The following SVEP1 variants were observed in gnomAD, a reference collection of about 807,000 sequenced individuals.
SVEP1 encodes sushi, von Willebrand factor type A, EGF and pentraxin domain-containing protein 1.
A neutral mutation model predicts 367.3 loss-of-function variants in SVEP1; 164 were observed. The observed-to-expected ratio is 0.45, with a 90% CI of 0.39 to 0.51. The LOEUF (loss-of-function observed/expected upper bound fraction) is 0.51, where lower values mean the gene tolerates loss of function less well. SVEP1 is among the 20% of genes least tolerant of loss of function. The pLI is 0.00. For missense variants in SVEP1, 4,117 were observed against 4,425.3 expected (o/e 0.93, Z 1.98); for synonymous variants, 1,666 against 1,611.6 (o/e 1.03, Z -0.81).
At chr9:110,507,637 T>C (rs1022150466) in intron 5 of SVEP1, among the ~76,000 whole-genome samples, 7 of 152,204 alleles carry the variant, frequency 4.6e-5, no homozygotes, top group African/African-American at 1.7e-4. Context: ...GTGTTTTAAT[T>C]TTTCCTGAAT....
chr9:110,367,763 G>C (rs767497319), intron 47 of SVEP1, among the ~76,000 whole-genome samples: 1 of 152,078 alleles, frequency 6.6e-6, no homozygotes, highest in African/African-American at 2.4e-5. Flanking sequence ...ATACTGTATG[G>C]TGACATGTAA....
intron 41 of SVEP1, among the ~76,000 whole-genome samples, chr9:110,389,170 A>G (rs1190323114): frequency 6.6e-6 from 1 of 152,164 alleles, no homozygotes; most frequent in Non-Finnish European, 1.5e-5. Flanking sequence ...AGTATTGGCT[A>G]GTACTGTCAC....
At chr9:110,508,102 TA>T (rs1282018355) in intron 5 of SVEP1, among the ~76,000 whole-genome samples, 2 of 152,256 alleles carry the variant, frequency 1.3e-5, no homozygotes, top group Non-Finnish European at 2.9e-5. Flanking sequence ...TTTCAACTTA[TA>T]TTTTTTTCAT....
chr9:110,416,900 T>G (rs1828129152), intron 36 of SVEP1, among the ~76,000 whole-genome samples: 1 of 152,042 alleles, frequency 6.6e-6, no homozygotes, highest in South Asian at 2.1e-4. Flanking sequence ...TTTTCCTAGA[T>G]TCTAACTATT....
chr9:110,471,529 T>C lies in SVEP1; in HGVS notation c.2833A>G (p.Thr945Ala). The C allele has an allele frequency of 6.2e-7, 1 of 1,614,014 alleles. No individual in the cohort carries two copies. The highest frequency in any genetic ancestry group is 8.5e-7 in the Non-Finnish European group (1 of 1,179,884). The change falls in exon 16 of 48, where the codon ACA (threonine) becomes GCA (alanine). Residue 945 changes from threonine to alanine, a missense_variant. Physicochemically the swap from Thr to Ala is moderately conservative, Grantham distance 58. Around this residue, in one of 4 missense-constraint regions of SVEP1, gnomAD observed 2,174 missense variants for 2,494.3 expected, o/e 0.87. Coordinates refer to ENST00000374469, the MANE Select transcript of SVEP1 (RefSeq NM_153366.4). ...AGTTTATTTGTGATAGTTTCCAATG[T>C]CTGAAGGAGTCGTTGCTGATTTTCC... Reference protein sequence around the residue: ...EWENQQRLLQTLETITNKLKR... With the variant: ...EWENQQRLLQALETITNKLKR...
intron 36 of SVEP1, 151 bp downstream of exon 36, chr9:110,427,440 G>A (rs111723504): frequency 1.1e-4 from 98 of 859,472 alleles, no homozygotes; most frequent in East Asian, 2.1e-4. Context: ...AATATACTCC[G>A]TCTCTGCAGG....
chr9:110,435,981 GC>G (rs769672703), intron 28 of SVEP1, among the ~76,000 whole-genome samples: 6 of 151,980 alleles, frequency 3.9e-5, no homozygotes, highest in Non-Finnish European at 7.4e-5. Context: ...GCTGGTTTTA[GC>G]CACTAGGTCG....
intron 34 of SVEP1, 52 bp downstream of exon 34, chr9:110,429,868 C>A: frequency 6.8e-7 from 1 of 1,476,902 alleles, no homozygotes; most frequent in South Asian, 1.2e-5. Flanking sequence ...TATATCACTA[C>A]CAGTATGCCA....
intron 3 of SVEP1, among the ~76,000 whole-genome samples, chr9:110,544,979 T>C (rs1173008549): frequency 1.3e-5 from 2 of 152,176 alleles, no homozygotes; most frequent in Non-Finnish European, 2.9e-5. Flanking sequence ...TTCTACGAGA[T>C]CAAATCTTAA....
intron 29 of SVEP1, among the ~76,000 whole-genome samples, chr9:110,434,996 T>C (rs1828412247): frequency 6.6e-6 from 1 of 152,180 alleles, no homozygotes; most frequent in African/African-American, 2.4e-5. Flanking sequence ...TTCTCTAATT[T>C]TCCTGATATT....
intron 34 of SVEP1, 128 bp downstream of exon 34, chr9:110,429,792 G>A (rs150928488): frequency 5.0e-5 from 35 of 698,010 alleles, no homozygotes; most frequent in Admixed American, 4.1e-4. Context: ...TGTATCATTC[G>A]ATTAATTACA....
At chr9:110,438,394 C>T (rs904640036) in intron 27 of SVEP1, among the ~76,000 whole-genome samples, 12 of 151,606 alleles carry the variant, frequency 7.9e-5, no homozygotes, top group Admixed American at 7.9e-4. Context: ...TTTCGCCCAC[C>T]CTCACCACGC....
chr9:110,429,260 G>A lies in SVEP1; in HGVS notation c.5690C>T (p.Pro1897Leu), dbSNP rs761778704. The A allele has an allele frequency of 1.3e-6, 2 of 1,596,858 alleles. No homozygotes were observed. Among genetic ancestry groups the A allele is most frequent in the South Asian group, 2.3e-5 (2 of 88,096 alleles). ...CLANSSWSHS[P>L]PVCEPVKCSS... ...ACACTTCACTGGTTCACACACAGGA[G>A]GGGAATGACTCCAAGAACTGTTAGC... Residue 1897 changes from proline (P) to leucine (L), a missense_variant, in exon 35 of 48, where the codon CCT (proline) becomes CTT (leucine). This residue lies in a region of SVEP1 where 2,174 missense variants were observed against 2,494.3 expected (regional missense o/e 0.87). Coordinates refer to ENST00000374469, the MANE Select transcript of SVEP1 (RefSeq NM_153366.4).
intron 3 of SVEP1, among the ~76,000 whole-genome samples, chr9:110,543,901 G>C (rs988529412): frequency 1.3e-5 from 2 of 152,096 alleles, no homozygotes; most frequent in African/African-American, 4.8e-5. Flanking sequence ...CCAACTCAGA[G>C]GCAGTTGAGC....
intron 3 of SVEP1, among the ~76,000 whole-genome samples, chr9:110,536,959 G>A (rs1211466038): frequency 1.3e-5 from 2 of 151,890 alleles, no homozygotes; most frequent in Non-Finnish European, 2.9e-5. Flanking sequence ...TTTTTGGAGG[G>A]CATCCCAGAA....
At chr9:110,575,624 A>G (rs764573445) in intron 1 of SVEP1, among the ~76,000 whole-genome samples, 6 of 152,184 alleles carry the variant, frequency 3.9e-5, no homozygotes, top group Non-Finnish European at 5.9e-5. Flanking sequence ...AGCAATGAAA[A>G]CAGTACAAAT....
Position 110,429,160 on chromosome 9 carries a change from T to A in SVEP1, c.5790A>T (p.Ser1930=). 17 of 1,594,900 alleles carry A rather than the reference T, an allele frequency of 1.1e-5. No individual in the cohort carries two copies. Among genetic ancestry groups the A allele is most frequent in the Non-Finnish European group, 1.4e-5 (16 of 1,170,222 alleles). The stretch of plus-strand genomic sequence containing the variant: ...AATGTTACCTGTATCCTGTATCGCA[T>A]GAATATGATGCAGTAGAAAGGTAGG... ...GLTYLSTASY[S]CDTGYSLQGP... is the part of the protein sequence containing the mutation. The change falls in exon 35 of 48, where the codon TCA becomes TCT. Residue 1930 remains serine, a synonymous_variant. Transcript: ENST00000374469.
At chr9:110,371,126 C>T (rs1184574260) in intron 46 of SVEP1, among the ~76,000 whole-genome samples, 2 of 152,124 alleles carry the variant, frequency 1.3e-5, no homozygotes, top group African/African-American at 4.8e-5. Context: ...AGAGTAAGAG[C>T]TGGCCAGCAG....
In SVEP1 at chr9:110,529,573, T is replaced by TCA. The variant is rs1279563390; in HGVS notation, c.965-15469_965-15468dup. 2.0e-5 allele frequency among the ~76,000 whole-genome samples: 3 copies of TCA among 151,070 alleles called. No homozygotes were observed. The East Asian group carries it at 5.8e-4, about 29-fold the overall frequency. The stretch of plus-strand genomic sequence containing the variant: ...TTGTAGTTCTCCTTGTAGAGATGGT[T>TCA]CACCTCCTTGGTTACGTATATTCCT... On this transcript the variant is annotated intron_variant, in intron 3 of 47. Coordinates refer to ENST00000374469, the MANE Select transcript of SVEP1 (RefSeq NM_153366.4).
Sources: allele counts gnomAD v4.1 joint callset (sites outside exome capture counted in the v4.1 genomes callset), GRCh38; gene constraint gnomAD v4.1.1; regional missense constraint gnomAD v4.1.1; transcripts MANE v1.5; gene names NCBI Gene and HGNC (gene_info 2026-07-23, HGNC 2026-07-21).